Variants in DNAH8 observed in about 807,000 individuals in gnomAD.
DNAH8 encodes the protein axonemal beta dynein heavy chain 8.
DNAH8 carries 382 observed loss-of-function variants against 562.1 expected under a neutral mutation model. The ratio of observed to expected loss-of-function variants is 0.68; its 90% CI spans 0.63 to 0.74. The LOEUF is 0.74. Among genes scored for constraint, DNAH8 ranks in the 30% least tolerant of loss-of-function variants. The pLI, the probability that DNAH8 is intolerant of heterozygous loss-of-function variation, is 0.00. For synonymous variants in DNAH8, 1,881 were observed against 1,919.4 expected, an observed-to-expected ratio of 0.98 and a Z score of 0.52; for missense variants, 5,203 against 5,620.4, an observed-to-expected ratio of 0.93 and a Z score of 2.37.
chr6:38,782,974 T>C, intron 16 of DNAH8, 30 bp from the exon 17 acceptor site: 1 of 1,593,258 alleles, frequency 6.3e-7, no homozygotes, highest in South Asian at 1.1e-5. Flanking sequence ...AGCAGTCTTT[T>C]AAAGTAAATC....
intron 58 of DNAH8, among the ~76,000 whole-genome samples, chr6:38,891,695 C>T (rs1024273331): frequency 5.9e-5 from 9 of 152,200 alleles, no homozygotes; most frequent in East Asian, 1.9e-4. Flanking sequence ...AAGGACTGAG[C>T]GTCTGAGATA....
chr6:38,800,882 T>C (rs1770723651), intron 21 of DNAH8, among the ~76,000 whole-genome samples: 1 of 152,200 alleles, frequency 6.6e-6, no homozygotes, highest in Non-Finnish European at 1.5e-5. Flanking sequence ...GATCATTTGC[T>C]CATTTTAAAA....
rs1345752116 is a variant in DNAH8, at chr6:38,845,610, G to A, written c.4882G>A (p.Glu1628Lys). The A allele has an allele frequency of 5.0e-6, 8 of 1,613,850 alleles. No individual in the cohort carries two copies. Among genetic ancestry groups the A allele is most frequent in the Non-Finnish European group, 5.9e-6 (7 of 1,179,850 alleles). Residue 1628 changes from glutamate to lysine, a missense_variant, in exon 36 of 93, where the codon GAA becomes AAA. This residue lies in a region of DNAH8 where 2,176 missense variants were observed against 2,365.1 expected (regional missense o/e 0.92). Transcript: ENST00000327475. ...ATCTGCCATTAAGGAGAAGGATATCGAAGCCAAGCTGACTCAGGTGATTGA... is the reference window on the plus strand; with the variant it reads ...ATCTGCCATTAAGGAGAAGGATATCAAAGCCAAGCTGACTCAGGTGATTGA... ...CISAIKEKDI[E>K]AKLTQVIENW...
intron 45 of DNAH8, among the ~76,000 whole-genome samples, 195 bp downstream of exon 45, chr6:38,864,255 T>C (rs1049460999): frequency 5.3e-5 from 8 of 151,950 alleles, no homozygotes; most frequent in African/African-American, 1.9e-4. Flanking sequence ...TAAAAAAAAT[T>C]CAGATCCAGA....
chr6:38,909,022 CA>C (rs1780686570), intron 64 of DNAH8, among the ~76,000 whole-genome samples: 1 of 152,080 alleles, frequency 6.6e-6, no homozygotes. Context: ...GTCTAATTGC[CA>C]AAAAGCTCTT....
intron 85 of DNAH8, among the ~76,000 whole-genome samples, chr6:38,981,049 G>A (rs1764000259): frequency 6.6e-6 from 1 of 151,564 alleles, no homozygotes; most frequent in African/African-American, 2.4e-5. Flanking sequence ...GTGTGTGTGT[G>A]TGTGTGTGTG....
chr6:39,009,592 G>A (rs931361279), intron 89 of DNAH8, among the ~76,000 whole-genome samples: 1 of 152,158 alleles, frequency 6.6e-6, no homozygotes, highest in African/African-American at 2.4e-5. Context: ...CTCATTACAA[G>A]CCAGACACTG....
chr6:38,818,537 C>CAAAAGCAAAAAAAAAAAAAAAAAAAAA (rs1772497815), intron 26 of DNAH8, among the ~76,000 whole-genome samples: 1 of 75,886 alleles, frequency 1.3e-5, no homozygotes, highest in African/African-American at 6.2e-5. Flanking sequence ...AAAGCAAAAG[C>CAAAAGCAAAAAAAAAAAAAAAAAAAAA]AAAAAAAAAA....
intron 53 of DNAH8, among the ~76,000 whole-genome samples, chr6:38,882,065 G>T (rs756546792): frequency 1.3e-5 from 2 of 152,182 alleles, no homozygotes; most frequent in African/African-American, 4.8e-5. Flanking sequence ...AATAACAGAT[G>T]CTGGAGAGGT....
At position 38,986,723 on chromosome 6, in the gene DNAH8, C is replaced by T. The variant is rs917893701; in HGVS notation, c.13053+2416C>T. Among the ~76,000 whole-genome samples, 18 of 152,158 alleles carry T rather than the reference C, an allele frequency of 1.2e-4. No individual in the cohort carries two copies. In the South Asian group the frequency reaches 2.5e-3, roughly 21 times the overall value. ...AGCAGAATGCTGATGGGATCAAGTG[C>T]GTGGGTGAAAGAAGAGGGGAGTCAA... On this transcript the variant is annotated intron_variant, in intron 87 of 92. Transcript: ENST00000327475.
At chr6:38,812,969 A>G (rs1026568213) in intron 24 of DNAH8, among the ~76,000 whole-genome samples, 2 of 152,210 alleles carry the variant, frequency 1.3e-5, no homozygotes, top group African/African-American at 4.8e-5. Flanking sequence ...AATCTATGGA[A>G]AGTGGCTGGC....
intron 21 of DNAH8, among the ~76,000 whole-genome samples, chr6:38,796,803 A>G (rs938195408): frequency 1.3e-5 from 2 of 151,956 alleles, no homozygotes; most frequent in African/African-American, 2.4e-5. Context: ...TTTTGGAGAC[A>G]TGAGCCCGCC....
intron 82 of DNAH8, among the ~76,000 whole-genome samples, chr6:38,958,471 CA>C (rs1343299628): frequency 7.3e-6 from 1 of 137,574 alleles, no homozygotes; most frequent in Non-Finnish European, 1.6e-5. Flanking sequence ...CACAGAAATA[CA>C]AAAGATCATT....
intron 24 of DNAH8, among the ~76,000 whole-genome samples, chr6:38,809,523 A>C (rs542120247): frequency 6.6e-6 from 1 of 152,182 alleles, no homozygotes; most frequent in East Asian, 1.9e-4. Context: ...TGGGGGAGTT[A>C]TTTAAGTTGC....
intron 4 of DNAH8, 46 bp downstream of exon 4, chr6:38,730,032 G>T (rs190192678): frequency 1.6e-5 from 14 of 851,164 alleles, no homozygotes; most frequent in Non-Finnish European, 2.7e-5. Flanking sequence ...GTTCATGCAC[G>T]TTAAAGTGCA....
intron 33 of DNAH8, among the ~76,000 whole-genome samples, chr6:38,838,693 C>T (rs1164996254): frequency 6.6e-6 from 1 of 152,250 alleles, no homozygotes. Flanking sequence ...GCCACCACGC[C>T]TGGCTCCCCT....
intron 76 of DNAH8, among the ~76,000 whole-genome samples, chr6:38,933,086 G>T (rs1170778195): frequency 6.6e-6 from 1 of 152,130 alleles, no homozygotes; most frequent in Non-Finnish European, 1.5e-5. Context: ...TGTTTCCATC[G>T]CCTCTCAGGA....
chr6:38,880,895 G>A (rs929563408), intron 53 of DNAH8, among the ~76,000 whole-genome samples: 9 of 152,138 alleles, frequency 5.9e-5, no homozygotes, highest in South Asian at 4.1e-4. Flanking sequence ...GTGCGTGGTG[G>A]CGGGTGCCTG....
chr6:38,813,741 CATCTT>C (rs1562875325), intron 24 of DNAH8, among the ~76,000 whole-genome samples: 2 of 152,078 alleles, frequency 1.3e-5, no homozygotes, highest in Non-Finnish European at 2.9e-5. Context: ...CTGGTGATCT[CATCTT>C]GTATCTGTTG....
Sources: allele counts gnomAD v4.1 joint callset (sites outside exome capture counted in the v4.1 genomes callset), GRCh38; gene constraint gnomAD v4.1.1; regional missense constraint gnomAD v4.1.1; transcripts MANE v1.5; gene names NCBI Gene and HGNC (gene_info 2026-07-23, HGNC 2026-07-21).